The following DPP10 variants were observed in gnomAD, a reference collection of about 807,000 sequenced individuals.
DPP10 encodes the protein inactive dipeptidyl peptidase 10.
A neutral mutation model predicts 120.9 loss-of-function variants in DPP10; 33 were observed. The observed-to-expected ratio is 0.27, with a 90% confidence interval of 0.21 to 0.37. The LOEUF is 0.37. Among genes scored for constraint, DPP10 ranks in the 10% least tolerant of loss-of-function variants. The pLI is 1.00. For missense variants in DPP10, 816 were observed against 942.8 expected, an observed-to-expected ratio of 0.87 and a Z score of 1.76; for synonymous variants, 337 against 326.1, an observed-to-expected ratio of 1.03 and a Z score of -0.36.
chr2:114,960,939 C>T (rs1314720740), intron 1 of DPP10, among the ~76,000 whole-genome samples: 1 of 143,960 alleles, frequency 6.9e-6, no homozygotes, highest in East Asian at 2.2e-4. Flanking sequence ...ACAAAAAAAT[C>T]TAATTGTCAT....
intron 9 of DPP10, among the ~76,000 whole-genome samples, chr2:115,742,550 A>T (rs1206286276): frequency 6.6e-6 from 1 of 152,192 alleles, no homozygotes; most frequent in African/African-American, 2.4e-5. Context: ...AGACCTGCTC[A>T]CCTACCCAGG....
At chr2:115,748,345 C>T (rs892233702) in intron 10 of DPP10, among the ~76,000 whole-genome samples, 11 of 151,550 alleles carry the variant, frequency 7.3e-5, no homozygotes, top group African/African-American at 2.7e-4. Flanking sequence ...CAGTTATAAA[C>T]TATCATTTTT....
intron 1 of DPP10, among the ~76,000 whole-genome samples, chr2:114,669,976 T>TC (rs1224695082): frequency 1.3e-5 from 2 of 151,988 alleles, no homozygotes; most frequent in Non-Finnish European, 2.9e-5. Flanking sequence ...TGAGATACCA[T>TC]CTCACACCAG....
intron 1 of DPP10, among the ~76,000 whole-genome samples, chr2:114,568,124 A>T (rs1343357263): frequency 6.6e-6 from 1 of 150,776 alleles, no homozygotes; most frequent in African/African-American, 2.4e-5. Context: ...CATAGGCCAT[A>T]CTGCTTCACT....
chr2:114,539,273 A>C (rs1325387960), intron 1 of DPP10, among the ~76,000 whole-genome samples: 2 of 150,370 alleles, frequency 1.3e-5, no homozygotes, highest in African/African-American at 2.4e-5. Context: ...CATATATACA[A>C]TTATATATAA....
intron 3 of DPP10, among the ~76,000 whole-genome samples, chr2:115,366,886 A>G (rs939197906): frequency 6.6e-6 from 1 of 151,844 alleles, no homozygotes; most frequent in Non-Finnish European, 1.5e-5. Context: ...ATCACATTGC[A>G]CCCCCAGCAG....
chr2:115,252,509 C>A (rs1464102449), intron 1 of DPP10, among the ~76,000 whole-genome samples: 1 of 152,108 alleles, frequency 6.6e-6, no homozygotes, highest in Non-Finnish European at 1.5e-5. Context: ...TATACCAATG[C>A]CTCATTATGT....
intron 1 of DPP10, among the ~76,000 whole-genome samples, chr2:114,751,353 C>T (rs1384957502): frequency 6.6e-6 from 1 of 152,184 alleles, no homozygotes; most frequent in Non-Finnish European, 1.5e-5. Flanking sequence ...TTTACAATTT[C>T]TCCAACTACT....
At chr2:114,575,622 T>TA (rs1689990566) in intron 1 of DPP10, among the ~76,000 whole-genome samples, 2 of 152,178 alleles carry the variant, frequency 1.3e-5, no homozygotes, top group Admixed American at 1.3e-4. Flanking sequence ...AGAGAACTAT[T>TA]CACCTTTTTT....
At chr2:114,510,391 G>A (rs1684031009) in intron 1 of DPP10, among the ~76,000 whole-genome samples, 1 of 152,130 alleles carries the variant, frequency 6.6e-6, no homozygotes. Flanking sequence ...GGATCACGAG[G>A]TAAGGAGTTT....
intron 1 of DPP10, among the ~76,000 whole-genome samples, chr2:114,802,659 A>G (rs1415373692): frequency 1.3e-5 from 2 of 152,224 alleles, no homozygotes; most frequent in East Asian, 1.9e-4. Flanking sequence ...AATGAAATGA[A>G]GAGACCATGG....
intron 1 of DPP10, among the ~76,000 whole-genome samples, chr2:114,759,574 T>C (rs1045338845): frequency 6.6e-6 from 1 of 152,126 alleles, no homozygotes; most frequent in Non-Finnish European, 1.5e-5. Flanking sequence ...ATGGAGTTCT[T>C]TGGGTCCATG....
At chr2:115,370,185 C>T (rs529447147) in intron 3 of DPP10, among the ~76,000 whole-genome samples, 3 of 152,210 alleles carry the variant, frequency 2.0e-5, no homozygotes, top group Admixed American at 2.0e-4. Flanking sequence ...GCCTTGTGGT[C>T]GCTTTTCTTG....
intron 1 of DPP10, among the ~76,000 whole-genome samples, chr2:115,133,117 G>A (rs1461137545): frequency 1.9e-5 from 1 of 53,026 alleles, no homozygotes; most frequent in African/African-American, 9.5e-5. Flanking sequence ...GTATATGTAT[G>A]TGTGTGTGTG....
intron 1 of DPP10, among the ~76,000 whole-genome samples, chr2:114,818,030 A>T (rs1372147291): frequency 6.6e-6 from 1 of 152,158 alleles, no homozygotes; most frequent in Non-Finnish European, 1.5e-5. Flanking sequence ...GGGAAGAAAC[A>T]TTCCGAACTA....
intron 1 of DPP10, among the ~76,000 whole-genome samples, chr2:115,239,937 CT>C (rs2058192804): frequency 6.6e-6 from 1 of 152,218 alleles, no homozygotes; most frequent in African/African-American, 2.4e-5. Context: ...TGAACTCATC[CT>C]TTTTTATGGT....
At chr2:114,695,357 G>A (rs1300880405) in intron 1 of DPP10, among the ~76,000 whole-genome samples, 1 of 151,992 alleles carries the variant, frequency 6.6e-6, no homozygotes, top group Admixed American at 6.6e-5. Context: ...CTAGAGCGGG[G>A]GCCATTTGCC....
intron 1 of DPP10, among the ~76,000 whole-genome samples, chr2:115,274,037 T>C (rs953495384): frequency 6.6e-6 from 1 of 152,164 alleles, no homozygotes; most frequent in Non-Finnish European, 1.5e-5. Flanking sequence ...TTGATTGGAA[T>C]GAGCAGGTTA....
At chr2:115,020,577 C>T (rs1351053165) in intron 1 of DPP10, among the ~76,000 whole-genome samples, 1 of 152,066 alleles carries the variant, frequency 6.6e-6, no homozygotes, top group African/African-American at 2.4e-5. Flanking sequence ...GACTTTAATA[C>T]TCCACCGTCA....
Sources: allele counts gnomAD v4.1 joint callset (sites outside exome capture counted in the v4.1 genomes callset), GRCh38; gene constraint gnomAD v4.1.1; transcripts MANE v1.5; gene names NCBI Gene and HGNC (gene_info 2026-07-23, HGNC 2026-07-21).